KIAA1328: variants seen among roughly 807,000 people sequenced by gnomAD.
The protein encoded by KIAA1328 is KIAA1328.
Under a neutral mutation model 68.1 loss-of-function variants are expected in KIAA1328, and 52 were observed. That is an observed-to-expected ratio of 0.76 (90% CI 0.61 to 0.96). The LOEUF (loss-of-function observed/expected upper bound fraction) is 0.96, where lower values mean the gene tolerates loss of function less well. KIAA1328 is among the 40% of genes least tolerant of loss of function. The pLI, the probability that KIAA1328 is intolerant of heterozygous loss-of-function variation, is 0.00. For synonymous variants in KIAA1328, 232 were observed against 239.4 expected, an observed-to-expected ratio of 0.97 and a Z score of 0.28; for missense variants, 641 against 677.6, an observed-to-expected ratio of 0.95 and a Z score of 0.60.
chr18:36,934,194 C>A (rs574931118), intron 5 of KIAA1328, among the ~76,000 whole-genome samples: 45 of 152,274 alleles, frequency 3.0e-4, no homozygotes, highest in African/African-American at 1.0e-3. Flanking sequence ...CCTGTGCAGG[C>A]AGCTTCCTCC....
At chr18:37,002,109 C>T (rs982079341) in intron 6 of KIAA1328, among the ~76,000 whole-genome samples, 2 of 151,962 alleles carry the variant, frequency 1.3e-5, no homozygotes, top group African/African-American at 4.8e-5. Context: ...CTGGAACAAC[C>T]TGAAGACTCC....
At chr18:36,882,753 C>T (rs2048364964) in intron 4 of KIAA1328, among the ~76,000 whole-genome samples, 1 of 152,156 alleles carries the variant, frequency 6.6e-6, no homozygotes, top group Non-Finnish European at 1.5e-5. Context: ...TTGGGAAAAG[C>T]TCATCACAGA....
chr18:36,962,682 A>G lies in KIAA1328; in HGVS notation c.576+3247A>G, dbSNP rs149000875. 2.1e-4 allele frequency among the ~76,000 whole-genome samples: 32 copies of G among 152,368 alleles called. No homozygotes were observed. The East Asian group carries it at 6.0e-3, about 28-fold the overall frequency. ...TAAAAAACTCACTCAAAACGGCACA[A>G]CTACATGGAACTGAACAACCTGCTC... On this transcript the variant is annotated intron_variant, in intron 6 of 9. Coordinates refer to ENST00000280020, the MANE Select transcript of KIAA1328 (RefSeq NM_020776.3).
At position 36,842,082 on chromosome 18, in the gene KIAA1328, A is replaced by G. The variant is rs190161228; in HGVS notation, c.238-2126A>G. On this transcript the variant is annotated intron_variant, in intron 3 of 9. Coordinates refer to ENST00000280020, the MANE Select transcript of KIAA1328 (RefSeq NM_020776.3). Reference sequence around the variant, plus strand: ...TTATTGAATAGTGCGAGAACCAAAAAGGCAAAAAGGGAACATTAAAGTATC... The same window carrying G: ...TTATTGAATAGTGCGAGAACCAAAAGGGCAAAAAGGGAACATTAAAGTATC... Among the ~76,000 whole-genome samples the G allele has an allele frequency of 7.8e-4, 119 of 152,340 alleles. 4 individuals carry two copies. Among genetic ancestry groups the G allele is most frequent in the Admixed American group, 7.5e-3 (115 of 15,290 alleles).
chr18:37,071,132 C>A (rs187735675), intron 7 of KIAA1328, among the ~76,000 whole-genome samples: 1 of 132,804 alleles, frequency 7.5e-6, no homozygotes, highest in Non-Finnish European at 1.5e-5. Context: ...TGCAGTGGCA[C>A]GATCATGGCT....
chr18:36,990,801 G>T (rs1042695638), intron 6 of KIAA1328, among the ~76,000 whole-genome samples: 1 of 151,842 alleles, frequency 6.6e-6, no homozygotes, highest in Non-Finnish European at 1.5e-5. Flanking sequence ...CCCTAAAATG[G>T]AAATGCACAC....
intron 7 of KIAA1328, among the ~76,000 whole-genome samples, chr18:37,141,821 G>T (rs1269353962): frequency 6.6e-6 from 1 of 152,150 alleles, no homozygotes; most frequent in Admixed American, 6.5e-5. Context: ...TTAGTGTGCA[G>T]TTCTCCTGAT....
At chr18:37,203,515 G>A (rs2060153852) in intron 9 of KIAA1328, among the ~76,000 whole-genome samples, 1 of 152,036 alleles carries the variant, frequency 6.6e-6, no homozygotes, top group African/African-American at 2.4e-5. Context: ...CTATTTTTTA[G>A]TAGTTTTAAT....
At chr18:36,954,871 T>G (rs1264892170) in intron 5 of KIAA1328, among the ~76,000 whole-genome samples, 1 of 151,744 alleles carries the variant, frequency 6.6e-6, no homozygotes, top group African/African-American at 2.4e-5. Context: ...ATTTTTTGTA[T>G]TTTTAGTGGA....
intron 7 of KIAA1328, among the ~76,000 whole-genome samples, chr18:37,156,426 CAAAAAA>C (rs769062667): frequency 2.8e-5 from 1 of 36,104 alleles, no homozygotes; most frequent in African/African-American, 8.5e-5. Context: ...AACTCCGCCT[CAAAAAA>C]AAAAAAAAAA....
rs761165047 is a variant in KIAA1328 at position 36,844,334 on chromosome 18, T to C, written c.332+32T>C. The C allele has an allele frequency of 2.2e-4, 308 of 1,387,950 alleles. No homozygotes were observed. The East Asian group carries it at 6.5e-3, about 29-fold the overall frequency. The allele number at this position is 1,387,950 out of a possible 1,614,324, so 86.0% of individuals were successfully genotyped here. A position where few individuals can be genotyped will look rare whatever the true frequency, so the allele number is the denominator to read the frequency against. On this transcript the variant is annotated intron_variant, in intron 4 of 9. Coordinates refer to ENST00000280020, the MANE Select transcript of KIAA1328 (RefSeq NM_020776.3). ...TAAAACCTTATATGAAATGATTTAT[T>C]ATACAAAAGACAACTCTTATTGAAA...
intron 5 of KIAA1328, among the ~76,000 whole-genome samples, chr18:36,949,274 A>G (rs2151218098): frequency 6.6e-6 from 1 of 152,346 alleles, no homozygotes; most frequent in East Asian, 1.9e-4. Flanking sequence ...GTTAGAAGCA[A>G]GAGAAAATGC....
At chr18:37,054,889 ACATATCCTAG>A (rs2055848761) in intron 6 of KIAA1328, among the ~76,000 whole-genome samples, 1 of 152,222 alleles carries the variant, frequency 6.6e-6, no homozygotes, top group South Asian at 2.1e-4. Context: ...CCAGAGGTAC[ACATATCCTAG>A]CATCTGTTCT....
In KIAA1328 at chr18:37,182,462, C is replaced by T. The variant is rs530388523; in HGVS notation, c.1523+9381C>T. ...AAAATGGGAGTAATAATATCTCCCT[C>T]ATAGGTATGTCATGATGATTAAGTA... On this transcript the variant is annotated intron_variant, in intron 9 of 9. Transcript: ENST00000280020. Among the ~76,000 whole-genome samples, 3 of 152,208 alleles carry T rather than the reference C, an allele frequency of 2.0e-5. No individual in the cohort carries two copies. In the South Asian group the frequency reaches 6.2e-4, roughly 32 times the overall value.
In KIAA1328 at chr18:37,212,823, C is replaced by T. The variant is rs111375834; in HGVS notation, c.1524-9194C>T. 3.3e-3 allele frequency among the ~76,000 whole-genome samples: 509 copies of T among 152,256 alleles called. 3 individuals carry two copies. Among genetic ancestry groups the T allele is most frequent in the African/African-American group, 0.012 (483 of 41,560 alleles). On this transcript the variant is annotated intron_variant, in intron 9 of 9. Transcript: ENST00000280020. ...GCAACCTCCACCTCCTGGGTTCAAA[C>T]GATTCTGCTGCCTCAGCCTCCCGAG... is the stretch of plus-strand genomic sequence containing the variant.
At chr18:37,165,790 A>G (rs749031729) in intron 8 of KIAA1328, among the ~76,000 whole-genome samples, 30 of 151,632 alleles carry the variant, frequency 2.0e-4, no homozygotes, top group Admixed American at 7.9e-4. Context: ...ACAGGGTTTC[A>G]CCATGTTGGC....
chr18:37,113,254 C>G (rs1455727733), intron 7 of KIAA1328, among the ~76,000 whole-genome samples: 1 of 152,060 alleles, frequency 6.6e-6, no homozygotes, highest in Non-Finnish European at 1.5e-5. Flanking sequence ...AGGGCAGCCA[C>G]AGAGAAAGGT....
chr18:37,185,509 T>C (rs946630238), intron 9 of KIAA1328, among the ~76,000 whole-genome samples: 2 of 152,108 alleles, frequency 1.3e-5, no homozygotes, highest in African/African-American at 4.8e-5. Flanking sequence ...ATGCTTTGCC[T>C]TGGGGAAAGA....
chr18:37,168,044 A>G (rs1040593788), intron 8 of KIAA1328, among the ~76,000 whole-genome samples: 2 of 152,254 alleles, frequency 1.3e-5, no homozygotes, highest in African/African-American at 4.8e-5. Context: ...TAGCCCAGGA[A>G]TACAAAGGCA....
Sources: gnomAD v4.1 joint callset for allele counts (sites outside exome capture counted in the v4.1 genomes callset) on GRCh38, gnomAD v4.1.1 for gene constraint, MANE v1.5 for transcripts, NCBI Gene and HGNC (gene_info 2026-07-23, HGNC 2026-07-21) for gene names.